The following MRPL42 variants were observed in gnomAD, a reference collection of about 807,000 sequenced individuals.
MRPL42 encodes mitochondrial ribosomal protein L42.
MRPL42 carries 17 observed loss-of-function variants against 17.9 expected under a neutral mutation model. The observed-to-expected ratio is 0.95, with a 90% CI of 0.65 to 1.42. The LOEUF (loss-of-function observed/expected upper bound fraction) is 1.42, where lower values mean the gene tolerates loss of function less well. Ranked by LOEUF, MRPL42 falls within the 40% of genes most tolerant of loss-of-function variation. MRPL42 has a pLI of 0.00. For synonymous variants in MRPL42, 59 were observed against 54.4 expected (o/e 1.08, Z -0.37); for missense variants, 177 against 175.2 (o/e 1.01, Z -0.06).
intron 4 of MRPL42, among the ~76,000 whole-genome samples, chr12:93,485,444 C>T (rs1405360270): frequency 1.3e-5 from 2 of 151,876 alleles, no homozygotes; most frequent in Non-Finnish European, 2.9e-5. Context: ...CACCTGGCCA[C>T]ATTGCCTTTT....
chr12:93,477,319 T>G (rs1880228494), intron 3 of MRPL42, among the ~76,000 whole-genome samples: 2 of 152,162 alleles, frequency 1.3e-5, no homozygotes, highest in African/African-American at 4.8e-5. Flanking sequence ...GTTAATTAGT[T>G]TTTATAGGGT....
intron 3 of MRPL42, among the ~76,000 whole-genome samples, chr12:93,478,933 TA>T (rs199964368): frequency 0.25 from 37,723 of 149,288 alleles, 6,058 homozygotes; most frequent in Non-Finnish European, 0.36. Flanking sequence ...TTTATTTATT[TA>T]TTTATTTATT....
rs1387261274 is a variant in MRPL42, at chr12:93,514,871, A to C, written c.*13650A>C. 6.6e-6 allele frequency: 1 copy of C among 151,888 alleles called. No individual in the cohort carries two copies. The highest frequency in any genetic ancestry group is 2.4e-5 in the African/African-American group (1 of 41,352). The allele number at this position is 151,888 out of a possible 1,614,324, so 9.4% of individuals were successfully genotyped here. A position where few individuals can be genotyped will look rare whatever the true frequency, so the allele number is the denominator to read the frequency against. Reference sequence around the variant, plus strand: ...GACAACATATTTTTTTTTACTGTGGACAGTATACTTTTACGAATGGTGCCA... The same window carrying C: ...GACAACATATTTTTTTTTACTGTGGCCAGTATACTTTTACGAATGGTGCCA... On this transcript the variant is annotated 3_prime_UTR_variant, in exon 6 of 6. Coordinates refer to ENST00000549982, the MANE Select transcript of MRPL42 (RefSeq NM_014050.4).
At position 93,509,543 on chromosome 12, in the gene MRPL42, G is replaced by A. The variant is rs1248874033; in HGVS notation, c.*8322G>A. On this transcript the variant is annotated 3_prime_UTR_variant, in exon 6 of 6. Coordinates refer to ENST00000549982, the MANE Select transcript of MRPL42 (RefSeq NM_014050.4). ...AGCTACTCAGGAGGCTAAGACAGGA[G>A]GATCACTTGAGTCCAGAAGTTCTGG... is the stretch of plus-strand genomic sequence containing the variant. 6.6e-6 allele frequency: 1 copy of A among 152,004 alleles called. No individual in the cohort carries two copies. The highest frequency in any genetic ancestry group is 1.5e-5 in the Non-Finnish European group (1 of 67,998). 9.4% of individuals were successfully genotyped at this position (152,004 alleles called of 1,614,324 possible). A position where few individuals can be genotyped will look rare whatever the true frequency, so the allele number is the denominator to read the frequency against.
At chr12:93,484,979 C>CACATATATATATAT (rs1555201395) in intron 4 of MRPL42, among the ~76,000 whole-genome samples, 1 of 22,472 alleles carries the variant, frequency 4.4e-5, no homozygotes, top group Non-Finnish European at 1.1e-4. Context: ...CACACACACA[C>CACATATATATATAT]ATATATATAT....
chr12:93,480,964 G>GA (rs1476446369), intron 4 of MRPL42, among the ~76,000 whole-genome samples: 1 of 152,146 alleles, frequency 6.6e-6, no homozygotes, highest in Non-Finnish European at 1.5e-5. Context: ...GCAACGTTTA[G>GA]AAAAATAGGC....
rs1165584801 is a variant in MRPL42, at chr12:93,502,042, AG to A, written c.*823del. On this transcript the variant is annotated 3_prime_UTR_variant, in exon 6 of 6. Transcript: ENST00000549982. Reference sequence around the variant, plus strand: ...TGGGAGAGCCAGGAGCCAAACTATCAGGCTCCAAAGCTTTTTTTTAGTGCAT... The same window carrying A: ...TGGGAGAGCCAGGAGCCAAACTATCAGCTCCAAAGCTTTTTTTTAGTGCAT... 2.0e-5 allele frequency: 3 copies of A among 152,336 alleles called. No individual in the cohort carries two copies. Among genetic ancestry groups the A allele is most frequent in the African/African-American group, 7.2e-5 (3 of 41,584 alleles). The allele number at this position is 152,336 out of a possible 1,614,324, so 9.4% of individuals were successfully genotyped here.
At chr12:93,487,843 C>T (rs1228593654) in intron 5 of MRPL42, 183 bp downstream of exon 5, 11 of 510,286 alleles carry the variant, frequency 2.2e-5, no homozygotes, top group Non-Finnish European at 3.7e-5. Context: ...GTCACCCAGG[C>T]TGGAGTGCAG....
chr12:93,514,885 C>T lies in MRPL42; in HGVS notation c.*13664C>T, dbSNP rs765437398. On this transcript the variant is annotated 3_prime_UTR_variant, in exon 6 of 6. Coordinates refer to ENST00000549982, the MANE Select transcript of MRPL42 (RefSeq NM_014050.4). ...TTTTACTGTGGACAGTATACTTTTACGAATGGTGCCAATAATGCATTACAT... is the reference window on the plus strand; with the variant it reads ...TTTTACTGTGGACAGTATACTTTTATGAATGGTGCCAATAATGCATTACAT... 2 of 151,942 alleles carry T rather than the reference C, an allele frequency of 1.3e-5. No individual in the cohort carries two copies. The highest frequency in any genetic ancestry group is 2.4e-5 in the African/African-American group (1 of 41,332). The allele number at this position is 151,942 out of a possible 1,614,324, so 9.4% of individuals were successfully genotyped here.
rs1327098753 is a variant in MRPL42, at chr12:93,484,991, T to TACACATATATATATAC, written c.220-2505_220-2504insCACATATATATATACA. On this transcript the variant is annotated intron_variant, in intron 4 of 5. Transcript: ENST00000549982. ...ACACACACACACACATATATATATATATATATATATATATATATATATATA... is the reference window on the plus strand; with the variant it reads ...ACACACACACACACATATATATATATACACATATATATATACATATATATATATATATATATATATA... Among the ~76,000 whole-genome samples the TACACATATATATATAC allele has an allele frequency of 2.4e-3, 35 of 14,714 alleles. 7 individuals are homozygous for TACACATATATATATAC. Among genetic ancestry groups the TACACATATATATATAC allele is most frequent in the African/African-American group, 7.8e-3 (32 of 4,110 alleles). The allele number at this position is 14,714 out of a possible 152,430, so 9.7% of individuals were successfully genotyped here.
intron 2 of MRPL42, among the ~76,000 whole-genome samples, chr12:93,471,353 A>G (rs1325014510): frequency 6.6e-6 from 1 of 152,010 alleles, no homozygotes; most frequent in Non-Finnish European, 1.5e-5. Flanking sequence ...TAGTAGAGGT[A>G]AAGTTTCACC....
Position 93,501,448 on chromosome 12 carries a change from C to G in MRPL42, c.*227C>G. On this transcript the variant is annotated 3_prime_UTR_variant, in exon 6 of 6. Coordinates refer to ENST00000549982, the MANE Select transcript of MRPL42 (RefSeq NM_014050.4). ...TTTTAGTGTTTCATTTATGTGCGGT[C>G]TCCAATTTAGGACTTTTCCATAGTG... The G allele has an allele frequency of 3.2e-6, 1 of 308,688 alleles. No individual in the cohort carries two copies. The highest frequency in any genetic ancestry group is 5.0e-5 in the Admixed American group (1 of 19,844). The allele number at this position is 308,688 out of a possible 1,614,324, so 19.1% of individuals were successfully genotyped here.
At chr12:93,489,533 T>TTTTA (rs1374187600) in intron 5 of MRPL42, among the ~76,000 whole-genome samples, 16 of 151,988 alleles carry the variant, frequency 1.1e-4, no homozygotes, top group African/African-American at 2.9e-4. Flanking sequence ...TCTTATTTTA[T>TTTTA]TTTATTTATT....
At chr12:93,483,834 A>T (rs1342578407) in intron 4 of MRPL42, among the ~76,000 whole-genome samples, 1 of 152,218 alleles carries the variant, frequency 6.6e-6, no homozygotes, top group Non-Finnish European at 1.5e-5. Flanking sequence ...TTGTAATAAC[A>T]CTTAGCTTAA....
At chr12:93,479,510 T>G in intron 4 of MRPL42, 38 bp downstream of exon 4, 1 of 1,413,584 alleles carries the variant, frequency 7.1e-7, no homozygotes, top group East Asian at 2.3e-5. Flanking sequence ...TTTAATTTGC[T>G]GTTAGAAATG....
In MRPL42 at chr12:93,505,461, G is replaced by A. The variant is rs2121293420; in HGVS notation, c.*4240G>A. On this transcript the variant is annotated 3_prime_UTR_variant, in exon 6 of 6. Coordinates refer to ENST00000549982, the MANE Select transcript of MRPL42 (RefSeq NM_014050.4). ...AAAGGCATAAATAAATGTCTCCTTT[G>A]CTTTTAGGCAAAGGGAATGCTTCTT... 1 of 149,580 alleles carries A rather than the reference G, an allele frequency of 6.7e-6. No homozygotes were observed. The highest frequency in any genetic ancestry group is 2.0e-4 in the East Asian group (1 of 5,126). 9.3% of individuals were successfully genotyped at this position (149,580 alleles called of 1,614,324 possible). A position where few individuals can be genotyped will look rare whatever the true frequency, so the allele number is the denominator to read the frequency against.
chr12:93,497,569 A>T (rs2121270169), intron 5 of MRPL42, among the ~76,000 whole-genome samples: 1 of 152,322 alleles, frequency 6.6e-6, no homozygotes, highest in African/African-American at 2.4e-5. Context: ...CTAGGCATTG[A>T]GGGAACATAC....
chr12:93,468,717 T>C (rs1229499331), intron 1 of MRPL42, among the ~76,000 whole-genome samples: 1 of 152,150 alleles, frequency 6.6e-6, no homozygotes, highest in Non-Finnish European at 1.5e-5. Context: ...CCTTGTTTGA[T>C]ATTTCTTTAT....
rs1953702154 is a variant in MRPL42, at chr12:93,509,261, T to G, written c.*8040T>G. On this transcript the variant is annotated 3_prime_UTR_variant, in exon 6 of 6. Coordinates refer to ENST00000549982, the MANE Select transcript of MRPL42 (RefSeq NM_014050.4). ...CATTTTATATTCTCACCACCATGAATGAAAGTTCCAATTGCTATATTCTTG... is the reference window on the plus strand; with the variant it reads ...CATTTTATATTCTCACCACCATGAAGGAAAGTTCCAATTGCTATATTCTTG... 1 of 151,970 alleles carries G rather than the reference T, an allele frequency of 6.6e-6. No homozygotes were observed. The highest frequency in any genetic ancestry group is 2.4e-5 in the African/African-American group (1 of 41,378). 9.4% of individuals were successfully genotyped at this position (151,970 alleles called of 1,614,324 possible). A position where few individuals can be genotyped will look rare whatever the true frequency, so the allele number is the denominator to read the frequency against.
Sources: allele counts gnomAD v4.1 joint callset (sites outside exome capture counted in the v4.1 genomes callset), GRCh38; gene constraint gnomAD v4.1.1; transcripts MANE v1.5; gene names NCBI Gene and HGNC (gene_info 2026-07-23, HGNC 2026-07-21).